The following GFRAL variants were observed in gnomAD, a reference collection of about 807,000 sequenced individuals.
GFRAL encodes GDNF family receptor alpha-like.
GFRAL carries 36 observed loss-of-function variants against 45.4 expected under a neutral mutation model. That is an observed-to-expected ratio of 0.79 (90% confidence interval 0.61 to 1.05). GFRAL has a LOEUF of 1.05. Among genes scored for constraint, GFRAL ranks in the 50% least tolerant of loss-of-function variants. The pLI is 0.00. For synonymous variants in GFRAL, 166 were observed against 154.1 expected, an observed-to-expected ratio of 1.08 and a Z score of -0.57; for missense variants, 507 against 467.5, an observed-to-expected ratio of 1.08 and a Z score of -0.78.
intron 6 of GFRAL, among the ~76,000 whole-genome samples, chr6:55,395,175 A>AAAAAATATATATATATATATATATAT: frequency 8.1e-6 from 1 of 123,512 alleles, no homozygotes; most frequent in African/African-American, 3.5e-5. Context: ...AAAAAAAAAA[A>AAAAAATATATATATATATATATATAT]ATATATATAT....
chr6:55,346,191 G>T (rs1768039269), intron 3 of GFRAL, among the ~76,000 whole-genome samples: 1 of 152,076 alleles, frequency 6.6e-6, no homozygotes, highest in Non-Finnish European at 1.5e-5. Context: ...CCATTACCAG[G>T]TATATACCCA....
At chr6:55,354,383 A>C (rs16886624) in intron 5 of GFRAL, among the ~76,000 whole-genome samples, 18,893 of 151,946 alleles carry the variant, frequency 0.12, 1,264 homozygotes, top group African/African-American at 0.16. Flanking sequence ...CACTCAAAAA[A>C]CGTCATCTCC....
chr6:55,356,300 T>G (rs76082769), intron 5 of GFRAL, among the ~76,000 whole-genome samples: 7,016 of 152,024 alleles, frequency 0.046, 240 homozygotes, highest in African/African-American at 0.08. Flanking sequence ...TGGTATTAGT[T>G]CCTCTCTAAG....
intron 5 of GFRAL, among the ~76,000 whole-genome samples, chr6:55,352,422 G>A (rs1033008650): frequency 5.3e-5 from 8 of 152,040 alleles, no homozygotes; most frequent in Non-Finnish European, 1.2e-4. Flanking sequence ...CATTGATCTT[G>A]CAAGGAAGAG....
intron 6 of GFRAL, among the ~76,000 whole-genome samples, chr6:55,373,707 G>A (rs1446887845): frequency 6.6e-6 from 1 of 151,668 alleles, no homozygotes; most frequent in African/African-American, 2.4e-5. Context: ...AGAAATACTA[G>A]GCCTTTTATG....
intron 6 of GFRAL, among the ~76,000 whole-genome samples, chr6:55,376,567 T>C (rs1768537659): frequency 6.6e-6 from 1 of 152,110 alleles, no homozygotes; most frequent in African/African-American, 2.4e-5. Context: ...CCTGGTTCAG[T>C]CTCGGGAGGG....
At chr6:55,395,803 G>T in intron 6 of GFRAL, among the ~76,000 whole-genome samples, 1 of 146,258 alleles carries the variant, frequency 6.8e-6, no homozygotes, top group South Asian at 2.2e-4. Context: ...AAAGAAAAAA[G>T]AAACAGTAAT....
At chr6:55,329,114 C>CA (rs1357334380) in intron 1 of GFRAL, among the ~76,000 whole-genome samples, 1 of 151,916 alleles carries the variant, frequency 6.6e-6, no homozygotes, top group Non-Finnish European at 1.5e-5. Context: ...AGGTTAAATA[C>CA]AAAACCACAA....
At chr6:55,334,696 TCCAA>T (rs1767870275) in intron 3 of GFRAL, among the ~76,000 whole-genome samples, 1 of 3,006 alleles carries the variant, frequency 3.3e-4, no homozygotes, top group African/African-American at 1.1e-3. Flanking sequence ...CATCGTCCAA[TCCAA>T]CCCATTCAAC....
intron 3 of GFRAL, among the ~76,000 whole-genome samples, chr6:55,341,800 A>G (rs1469814264): frequency 6.6e-6 from 1 of 152,222 alleles, no homozygotes; most frequent in Non-Finnish European, 1.5e-5. Context: ...TTGGTTAACT[A>G]GAATAAACAG....
At chr6:55,345,880 G>A (rs1346078015) in intron 3 of GFRAL, among the ~76,000 whole-genome samples, 2 of 152,094 alleles carry the variant, frequency 1.3e-5, no homozygotes, top group East Asian at 1.9e-4. Flanking sequence ...AGTGAGTGAA[G>A]GATATGAACA....
chr6:55,366,972 C>G (rs1177063808), intron 6 of GFRAL, among the ~76,000 whole-genome samples: 1 of 50,694 alleles, frequency 2.0e-5, no homozygotes, highest in East Asian at 3.3e-4. Flanking sequence ...TGGTGCAGAG[C>G]TGAGTTCAAT....
chr6:55,352,369 G>T (rs1430545554), intron 5 of GFRAL, among the ~76,000 whole-genome samples: 1 of 152,116 alleles, frequency 6.6e-6, no homozygotes, highest in East Asian at 1.9e-4. Context: ...AGTCCAGGAA[G>T]AGTGACAAAA....
In GFRAL at chr6:55,350,204, C is replaced by T. The variant is rs1768097966; in HGVS notation, c.370+59C>T. 3.3e-5 allele frequency: 34 copies of T among 1,015,346 alleles called. No homozygotes were observed. In the South Asian group the frequency reaches 4.5e-4, roughly 13 times the overall value. 62.9% of individuals were successfully genotyped at this position (1,015,346 alleles called of 1,614,324 possible). On this transcript the variant is annotated intron_variant, in intron 4 of 8. Coordinates refer to ENST00000340465, the MANE Select transcript of GFRAL (RefSeq NM_207410.2). ...TGCAAATACCTGATAATATAAAATGCAGTTACCAGGCTTCTTAAAGATAGG... is the reference window on the plus strand; with the variant it reads ...TGCAAATACCTGATAATATAAAATGTAGTTACCAGGCTTCTTAAAGATAGG...
intron 5 of GFRAL, among the ~76,000 whole-genome samples, chr6:55,358,681 A>C (rs943574993): frequency 6.6e-6 from 1 of 152,112 alleles, no homozygotes; most frequent in Non-Finnish European, 1.5e-5. Context: ...TTTCATCACA[A>C]AAAAGGGACA....
chr6:55,360,581 G>A (rs564791814), intron 6 of GFRAL, among the ~76,000 whole-genome samples: 1 of 152,004 alleles, frequency 6.6e-6, no homozygotes, highest in African/African-American at 2.4e-5. Context: ...TTTCGACAGT[G>A]TTTTCTGTGG....
At position 55,347,845 on chromosome 6, in the gene GFRAL, A is replaced by C. The variant is rs1768063885; in HGVS notation, c.317-2247A>C. On this transcript the variant is annotated intron_variant, in intron 3 of 8. Coordinates refer to ENST00000340465, the MANE Select transcript of GFRAL (RefSeq NM_207410.2). Reference sequence around the variant, plus strand: ...AGCATCTTCTTTTGCTTTTGCTTTAAATGTTGCCACATACCCTCTAAAAAA... The same window carrying C: ...AGCATCTTCTTTTGCTTTTGCTTTACATGTTGCCACATACCCTCTAAAAAA... 2.0e-5 allele frequency among the ~76,000 whole-genome samples: 3 copies of C among 152,180 alleles called. No homozygotes were observed. The South Asian group carries it at 6.2e-4, about 32-fold the overall frequency.
chr6:55,356,169 G>T (rs1266144235), intron 5 of GFRAL, among the ~76,000 whole-genome samples: 1 of 151,880 alleles, frequency 6.6e-6, no homozygotes, highest in South Asian at 2.1e-4. Flanking sequence ...CAGGAAAATT[G>T]TCCTGTAGTT....
chr6:55,361,406 A>T (rs1768273456), intron 6 of GFRAL, among the ~76,000 whole-genome samples: 2 of 152,050 alleles, frequency 1.3e-5, no homozygotes, highest in South Asian at 4.1e-4. Context: ...TACTTTAAAT[A>T]ATATCTAGAA....
Sources: allele counts gnomAD v4.1 joint callset (sites outside exome capture counted in the v4.1 genomes callset), GRCh38; gene constraint gnomAD v4.1.1; transcripts MANE v1.5; gene names NCBI Gene and HGNC (gene_info 2026-07-23, HGNC 2026-07-21).